Variants in RERE observed in about 807,000 individuals in gnomAD.
The protein encoded by RERE is arginine-glutamic acid dipeptide repeats.
In RERE, 40 loss-of-function variants were observed where a neutral mutation model predicts 146.1. That is an observed-to-expected ratio of 0.27 (90% confidence interval 0.21 to 0.36). The LOEUF is 0.36. Ranked by LOEUF, RERE falls within the 10% of genes least tolerant of loss-of-function variation. The pLI is 1.00. For missense variants in RERE, 1,933 were observed against 2,138.7 expected (o/e 0.90, Z 1.90); for synonymous variants, 1,003 against 866.0 (o/e 1.16, Z -2.78).
chr1:8,737,015 G>A (rs1640215380), intron 1 of RERE, among the ~76,000 whole-genome samples: 1 of 152,138 alleles, frequency 6.6e-6, no homozygotes, highest in Non-Finnish European at 1.5e-5. Flanking sequence ...TTTAGAAAAT[G>A]TATTCCTCTT....
At chr1:8,727,797 C>A (rs748570217) in intron 1 of RERE, among the ~76,000 whole-genome samples, 1 of 152,126 alleles carries the variant, frequency 6.6e-6, no homozygotes, top group African/African-American at 2.4e-5. Context: ...CGGCCAATTA[C>A]CCACTATTCT....
intron 10 of RERE, among the ~76,000 whole-genome samples, chr1:8,490,930 T>G (rs1164114354): frequency 6.6e-6 from 1 of 150,454 alleles, no homozygotes; most frequent in Admixed American, 6.6e-5. Flanking sequence ...ACCCTCAAAT[T>G]TTTTACTTTG....
chr1:8,360,635 A>G lies in RERE; in HGVS notation c.2872T>C (p.Ser958Pro), dbSNP rs1570035413. 19 of 1,506,908 alleles carry G rather than the reference A, an allele frequency of 1.3e-5. No homozygotes were observed. The highest frequency in any genetic ancestry group is 1.7e-5 in the Non-Finnish European group (19 of 1,131,438). 93.3% of individuals were successfully genotyped at this position (1,506,908 alleles called of 1,614,324 possible). ...GGGGGAGGCAGGTTGGCATTCATGG[A>G]GAAGGGTGAGGGCCCCGAGAGGTGG... ...PPHLSGPSPF[S>P]MNANLPPPPA... Residue 958 changes from serine to proline, a missense_variant, in exon 18 of 23, where the codon TCC (serine) becomes CCC (proline). Ser to Pro is a moderately conservative substitution (Grantham distance 74, BLOSUM62 -1). This residue lies in a region of RERE where 1,255 missense variants were observed against 1,153.8 expected (regional missense o/e 1.09). Transcript: ENST00000400908.
In RERE at chr1:8,358,437, A is replaced by T; in HGVS notation, c.4098T>A (p.Ser1366=). 6.3e-7 allele frequency: 1 copy of T among 1,591,964 alleles called. No individual in the cohort carries two copies. The highest frequency in any genetic ancestry group is 1.1e-5 in the South Asian group (1 of 90,280). The change falls in exon 20 of 23, where the codon TCT becomes TCA. Residue 1366 remains serine (S), a synonymous_variant. Transcript: ENST00000400908. ...CCAAGGGGTTCAGGCCCGGGTGGAA[A>T]GAAGCAAAAGGGTGGGGCCCGGCGG... ...PPTAGPHPFA[S]FHPGLNPLER... is the part of the protein sequence containing the mutation.
At chr1:8,497,370 A>C in intron 9 of RERE, 35 bp downstream of exon 9, 1 of 1,613,394 alleles carries the variant, frequency 6.2e-7, no homozygotes, top group Non-Finnish European at 8.5e-7. Flanking sequence ...AGATGGTCTA[A>C]TTCAGAAAGC....
At chr1:8,601,514 G>A (rs1023535933) in intron 4 of RERE, among the ~76,000 whole-genome samples, 5 of 151,926 alleles carry the variant, frequency 3.3e-5, no homozygotes, top group Non-Finnish European at 5.9e-5. Flanking sequence ...AGTGGGAGGT[G>A]GGAGCAATCA....
intron 11 of RERE, among the ~76,000 whole-genome samples, chr1:8,443,459 G>GAAAAAAAAAAAAAAAAAAAA (rs144499944): frequency 8.9e-6 from 1 of 112,778 alleles, no homozygotes; most frequent in African/African-American, 3.3e-5. Context: ...CTCAAAAAAA[G>GAAAAAAAAAAAAAAAAAAAA]AAAAAAAAAA....
chr1:8,796,828 G>A (rs895903546), intron 1 of RERE, among the ~76,000 whole-genome samples: 1 of 152,120 alleles, frequency 6.6e-6, no homozygotes, highest in Admixed American at 6.6e-5. Flanking sequence ...GAAACTGAAT[G>A]TTTAAGTATA....
At chr1:8,725,705 A>G (rs934482946) in intron 1 of RERE, among the ~76,000 whole-genome samples, 1 of 152,196 alleles carries the variant, frequency 6.6e-6, no homozygotes, top group East Asian at 1.9e-4. Flanking sequence ...AGAGCTTCTT[A>G]GGCTTCAAAA....
intron 8 of RERE, among the ~76,000 whole-genome samples, chr1:8,505,233 A>C (rs1289786370): frequency 6.6e-6 from 1 of 152,240 alleles, no homozygotes; most frequent in African/African-American, 2.4e-5. Context: ...GAAAGAGAGA[A>C]AGATACAGAC....
intron 11 of RERE, among the ~76,000 whole-genome samples, chr1:8,458,104 A>G (rs1644473823): frequency 6.6e-6 from 1 of 152,150 alleles, no homozygotes; most frequent in East Asian, 1.9e-4. Context: ...TTCTAAGCAC[A>G]CGCATTAAAA....
rs755330175 is a variant in RERE at position 8,359,865 on chromosome 1, C to T, written c.3517G>A (p.Glu1173Lys). The change falls in exon 19 of 23, where the codon GAG becomes AAG. Residue 1173 changes from glutamate (E) to lysine (K), a missense_variant. Transcript: ENST00000400908. ...TCCTCTCGGGCTTTCTGCTCAGCCTCGCGCTTGGCCTTCTCAATGGCCTCC... is the reference window on the plus strand; with the variant it reads ...TCCTCTCGGGCTTTCTGCTCAGCCTTGCGCTTGGCCTTCTCAATGGCCTCC... ...REEAIEKAKR[E>K]AEQKAREERE... 1.9e-6 allele frequency: 3 copies of T among 1,612,430 alleles called. No individual in the cohort carries two copies. Among genetic ancestry groups the T allele is most frequent in the Non-Finnish European group, 2.5e-6 (3 of 1,180,028 alleles).
chr1:8,773,756 AGAGACTGCAGGGAGCT>A, intron 1 of RERE, among the ~76,000 whole-genome samples: 1 of 152,276 alleles, frequency 6.6e-6, no homozygotes, highest in African/African-American at 2.4e-5. Flanking sequence ...CCTGGGAGGC[AGAGACTGCAGGGAGCT>A]GAGATCGCGC....
chr1:8,750,438 G>A (rs1370616050), intron 1 of RERE: 2 of 820,248 alleles, frequency 2.4e-6, no homozygotes, highest in East Asian at 2.4e-5. Context: ...ACCATGGAGG[G>A]TGTTGAAGAG....
intron 1 of RERE, among the ~76,000 whole-genome samples, chr1:8,669,396 G>A (rs1638662957): frequency 6.6e-6 from 1 of 152,132 alleles, no homozygotes; most frequent in African/African-American, 2.4e-5. Flanking sequence ...ACCATGCCCA[G>A]CCAATTGTAC....
At chr1:8,667,227 C>T (rs1395043033) in intron 1 of RERE, among the ~76,000 whole-genome samples, 1 of 152,060 alleles carries the variant, frequency 6.6e-6, no homozygotes, top group African/African-American at 2.4e-5. Context: ...CAAAAGTACC[C>T]AAAACAGCAA....
chr1:8,658,650 G>C (rs893372380), intron 1 of RERE, among the ~76,000 whole-genome samples: 2 of 151,890 alleles, frequency 1.3e-5, no homozygotes, highest in African/African-American at 4.8e-5. Flanking sequence ...CCAGCTACTC[G>C]GGAGGCTGAG....
intron 12 of RERE, among the ~76,000 whole-genome samples, chr1:8,395,707 T>C (rs1316797377): frequency 1.3e-5 from 2 of 152,132 alleles, no homozygotes; most frequent in Admixed American, 6.5e-5. Flanking sequence ...CTAAATTCTT[T>C]TGTGGGAATA....
At chr1:8,588,713 T>A (rs1646456691) in intron 4 of RERE, among the ~76,000 whole-genome samples, 1 of 152,252 alleles carries the variant, frequency 6.6e-6, no homozygotes, top group Non-Finnish European at 1.5e-5. Context: ...TGAACTTATC[T>A]GCTAAATCAT....
Sources: gnomAD v4.1 joint callset for allele counts (sites outside exome capture counted in the v4.1 genomes callset) on GRCh38, gnomAD v4.1.1 for gene constraint, gnomAD v4.1.1 regional missense constraint, MANE v1.5 for transcripts, NCBI Gene and HGNC (gene_info 2026-07-23, HGNC 2026-07-21) for gene names.